The following CACNB2 variants were observed in gnomAD, a reference collection of about 807,000 sequenced individuals.
CACNB2 encodes calcium voltage-gated channel auxiliary subunit beta 2, also known as voltage-dependent L-type calcium channel subunit beta-2.
A neutral mutation model predicts 73.3 loss-of-function variants in CACNB2; 42 were observed. That is an observed-to-expected ratio of 0.57 (90% confidence interval 0.45 to 0.74). The LOEUF (loss-of-function observed/expected upper bound fraction) is 0.74. CACNB2 is among the 30% of genes least tolerant of loss of function. The pLI, the probability that CACNB2 is intolerant of heterozygous loss-of-function variation, is 0.00. For missense variants in CACNB2, 940 were observed against 853.0 expected, an observed-to-expected ratio of 1.10 and a Z score of -1.27; for synonymous variants, 348 against 310.3, an observed-to-expected ratio of 1.12 and a Z score of -1.28.
chr10:18,195,211 G>A (rs1291582627), intron 2 of CACNB2, among the ~76,000 whole-genome samples: 1 of 152,154 alleles, frequency 6.6e-6, no homozygotes. Flanking sequence ...AGTTTAGTAA[G>A]TTTATATAAA....
At chr10:18,270,884 G>C (rs540726052) in intron 2 of CACNB2, among the ~76,000 whole-genome samples, 16 of 152,098 alleles carry the variant, frequency 1.1e-4, no homozygotes, top group Non-Finnish European at 2.2e-4. Context: ...CACTCAAGAC[G>C]TAATGGTTGA....
intron 2 of CACNB2, among the ~76,000 whole-genome samples, chr10:18,386,212 T>G (rs966932883): frequency 6.6e-6 from 1 of 152,200 alleles, no homozygotes. Context: ...AACCGTTTCT[T>G]TTTCTGGGAA....
chr10:18,528,551 A>G (rs914026430), intron 10 of CACNB2, among the ~76,000 whole-genome samples: 8 of 152,208 alleles, frequency 5.3e-5, no homozygotes, highest in Non-Finnish European at 1.0e-4. Flanking sequence ...GCTGGTTTCT[A>G]ACATAGAAGT....
intron 2 of CACNB2, among the ~76,000 whole-genome samples, chr10:18,294,334 C>A (rs1417314631): frequency 6.6e-6 from 1 of 152,136 alleles, no homozygotes; most frequent in Admixed American, 6.5e-5. Context: ...TAGCAACCAG[C>A]ATGTTCTCTG....
chr10:18,487,902 A>G (rs1004981942), intron 3 of CACNB2, among the ~76,000 whole-genome samples: 6 of 151,836 alleles, frequency 4.0e-5, no homozygotes, highest in African/African-American at 1.5e-4. Flanking sequence ...ATTCCACACC[A>G]AGGACCCTGC....
chr10:18,220,201 G>GTGTATATATATATATATA (rs1251166931), intron 2 of CACNB2, among the ~76,000 whole-genome samples: 1 of 23,306 alleles, frequency 4.3e-5, no homozygotes, highest in African/African-American at 2.8e-4. Flanking sequence ...ATATGTGTGT[G>GTGTATATATATATATATA]TATATATATA....
chr10:18,435,998 T>C (rs1234185557), intron 3 of CACNB2, among the ~76,000 whole-genome samples: 1 of 152,224 alleles, frequency 6.6e-6, no homozygotes, highest in African/African-American at 2.4e-5. Flanking sequence ...GAAAGTACGA[T>C]GACTTTAAGT....
At chr10:18,530,792 G>C (rs995950648) in intron 10 of CACNB2, among the ~76,000 whole-genome samples, 2 of 152,146 alleles carry the variant, frequency 1.3e-5, no homozygotes, top group Non-Finnish European at 2.9e-5. Context: ...CTTTGCATGT[G>C]GATTAATTTA....
At chr10:18,384,747 C>CA (rs1343978286) in intron 2 of CACNB2, among the ~76,000 whole-genome samples, 4 of 136,702 alleles carry the variant, frequency 2.9e-5, no homozygotes, top group African/African-American at 1.1e-4. Context: ...CAACAACAAA[C>CA]AAAAAACAAA....
At chr10:18,172,083 T>C (rs149514542) in intron 2 of CACNB2, among the ~76,000 whole-genome samples, 6,579 of 152,110 alleles carry the variant, frequency 0.043, 204 homozygotes, top group Middle Eastern at 0.11. Flanking sequence ...CAAAAAGTGG[T>C]GGGGCACAGT....
chr10:18,389,933 TC>T lies in CACNB2; in HGVS notation c.214-11990del, dbSNP rs148925101. 3.2e-3 allele frequency among the ~76,000 whole-genome samples: 485 copies of T among 152,350 alleles called. 18 individuals are homozygous for T. The East Asian group carries it at 0.074, about 23-fold the overall frequency. On this transcript the variant is annotated intron_variant, in intron 2 of 13. Transcript: ENST00000324631. ...TTTCTATTAATATCCTTTATTTATA[TC>T]AATTCATTTCTTACTGTTTTACTTA...
rs867600571 is a variant in CACNB2 at position 18,443,020 on chromosome 10, A to G, written c.333+40977A>G. ...TATGTGTATATATATATATGTATAT[A>G]TATATATATATATATAAATAAGGAA... On this transcript the variant is annotated intron_variant, in intron 3 of 13. Coordinates refer to ENST00000324631, the MANE Select transcript of CACNB2 (RefSeq NM_201596.3). Among the ~76,000 whole-genome samples, 611 of 107,064 alleles carry G rather than the reference A, an allele frequency of 5.7e-3. 80 individuals carry two copies. Among genetic ancestry groups the G allele is most frequent in the Non-Finnish European group, 8.4e-3 (465 of 55,514 alleles). 70.2% of individuals were successfully genotyped at this position (107,064 alleles called of 152,430 possible). A position where few individuals can be genotyped will look rare whatever the true frequency, so the allele number is the denominator to read the frequency against.
intron 9 of CACNB2, among the ~76,000 whole-genome samples, chr10:18,524,212 T>G (rs1331343454): frequency 6.6e-6 from 1 of 151,966 alleles, no homozygotes; most frequent in Non-Finnish European, 1.5e-5. Flanking sequence ...TCACGGTTTT[T>G]TTTTTTTGTT....
chr10:18,199,215 C>T (rs149194330), intron 2 of CACNB2, among the ~76,000 whole-genome samples: 9 of 152,252 alleles, frequency 5.9e-5, no homozygotes, highest in African/African-American at 2.2e-4. Flanking sequence ...AACTACTATG[C>T]ACAGGCATGG....
intron 3 of CACNB2, among the ~76,000 whole-genome samples, chr10:18,430,150 A>G (rs6482412): frequency 0.89 from 134,517 of 151,474 alleles, 60,103 homozygotes; most frequent in African/African-American, 0.97. Context: ...AAAAAGGGAC[A>G]TATTACCTAA....
intron 2 of CACNB2, among the ~76,000 whole-genome samples, chr10:18,328,283 A>T (rs1179498175): frequency 5.3e-5 from 8 of 152,192 alleles, no homozygotes; most frequent in Non-Finnish European, 1.2e-4. Flanking sequence ...CACATGCTCA[A>T]CCAAGTTGCA....
At chr10:18,348,350 C>A (rs2041556987) in intron 2 of CACNB2, among the ~76,000 whole-genome samples, 1 of 152,144 alleles carries the variant, frequency 6.6e-6, no homozygotes, top group Non-Finnish European at 1.5e-5. Context: ...TCAAATGTCT[C>A]TTTAAAATGA....
intron 2 of CACNB2, chr10:18,234,250 T>C (rs1322280719): frequency 6.6e-6 from 1 of 152,256 alleles, no homozygotes; most frequent in Non-Finnish European, 1.5e-5. Context: ...ACTTTTCTTA[T>C]TTAAGATATC....
At chr10:18,359,551 A>G (rs2042062129) in intron 2 of CACNB2, among the ~76,000 whole-genome samples, 1 of 152,030 alleles carries the variant, frequency 6.6e-6, no homozygotes, top group African/African-American at 2.4e-5. Context: ...TAGGATTACC[A>G]GCATGAACCA....
Sources: gnomAD v4.1 joint callset for allele counts (sites outside exome capture counted in the v4.1 genomes callset) on GRCh38, gnomAD v4.1.1 for gene constraint, MANE v1.5 for transcripts, NCBI Gene and HGNC (gene_info 2026-07-23, HGNC 2026-07-21) for gene names.